SIPA1L2: variants seen among roughly 807,000 people sequenced by gnomAD.
SIPA1L2 encodes the protein signal induced proliferation associated 1 like 2.
SIPA1L2 carries 56 observed loss-of-function variants against 163.9 expected under a neutral mutation model. The observed-to-expected ratio is 0.34, with a 90% confidence interval of 0.28 to 0.43. SIPA1L2 has a LOEUF of 0.43. SIPA1L2 is among the 20% of genes least tolerant of loss of function. SIPA1L2 has a pLI of 1.00. For synonymous variants in SIPA1L2, 877 were observed against 865.7 expected (o/e 1.01, Z -0.23); for missense variants, 1,974 against 2,193.5 (o/e 0.90, Z 2.00).
At position 232,514,707 on chromosome 1, in the gene SIPA1L2, C is replaced by T; in HGVS notation, c.633G>A (p.Met211Ile). 6.2e-7 allele frequency: 1 copy of T among 1,614,156 alleles called. No homozygotes were observed. Among genetic ancestry groups the T allele is most frequent in the Non-Finnish European group, 8.5e-7 (1 of 1,180,020 alleles). Residue 211 changes from methionine (M) to isoleucine (I), a missense_variant, in exon 3 of 23, where the codon ATG becomes ATA. This residue lies in a region of SIPA1L2 where 607 missense variants were observed against 624.0 expected (regional missense o/e 0.97). Transcript: ENST00000674635. The stretch of plus-strand genomic sequence containing the variant: ...AATTTTCTACTCGGTACCCTCTGAG[C>T]ATAGCAAAAAAGTTTTCACCAGATA... Reference protein sequence around the residue: ...QGLSGENFFAMLRGYRVENYD... With the variant: ...QGLSGENFFAILRGYRVENYD...
intron 5 of SIPA1L2, among the ~76,000 whole-genome samples, chr1:232,485,335 T>C (rs1369402120): frequency 6.6e-6 from 1 of 152,174 alleles, no homozygotes; most frequent in African/African-American, 2.4e-5. Context: ...GATCTGTACC[T>C]TGAGTGTGGG....
chr1:232,474,414 T>C (rs1488195189), intron 7 of SIPA1L2, among the ~76,000 whole-genome samples: 3 of 152,176 alleles, frequency 2.0e-5, no homozygotes, highest in Admixed American at 6.5e-5. Flanking sequence ...CAAAAGCATA[T>C]AGATGCTACA....
In SIPA1L2 at chr1:232,399,089, G is replaced by A. The variant is rs200847056; in HGVS notation, c.*38C>T. ...TGTTTGTGACTTCAAAGGGACAAGG[G>A]GCATTTCCCAGTGGTCCCTTGATGA... On this transcript the variant is annotated 3_prime_UTR_variant, in exon 23 of 23. Coordinates refer to ENST00000674635, the MANE Select transcript of SIPA1L2 (RefSeq NM_020808.5). 167 of 1,613,266 alleles carry A rather than the reference G, an allele frequency of 1.0e-4. No individual in the cohort carries two copies. The highest frequency in any genetic ancestry group is 1.4e-4 in the Non-Finnish European group (164 of 1,179,530).
intron 2 of SIPA1L2, among the ~76,000 whole-genome samples, chr1:232,566,176 T>C (rs1441817714): frequency 1.3e-5 from 2 of 152,220 alleles, no homozygotes; most frequent in African/African-American, 4.8e-5. Flanking sequence ...TCTGTTTGTT[T>C]TGTTTTCTTT....
rs1295723723 is a variant in SIPA1L2 at position 232,425,600 on chromosome 1, C to T, written c.4619G>A (p.Gly1540Glu). 5 of 1,588,816 alleles carry T rather than the reference C, an allele frequency of 3.1e-6. No individual in the cohort carries two copies. Among genetic ancestry groups the T allele is most frequent in the Admixed American group, 1.7e-5 (1 of 57,808 alleles). Reference protein sequence around the residue: ...PPRAHPAPSMGSLRNEFWFSD... With the variant: ...PPRAHPAPSMESLRNEFWFSD... ...AGCCCCTCACTTACTTCTCAGGCTC[C>T]CCATGCTGGGTGCGGGGTGGGCCCG... The change falls in exon 18 of 23, where the codon GGG (glycine) becomes GAG (glutamate). Residue 1540 changes from glycine (G) to glutamate (E), a missense_variant. By Grantham distance (98) the Gly-to-Glu change is moderately conservative. Transcript: ENST00000674635.
At position 232,484,067 on chromosome 1, in the gene SIPA1L2, C is replaced by T. The variant is rs140798485; in HGVS notation, c.1807-101G>A. 3,956 of 1,091,482 alleles carry T rather than the reference C, an allele frequency of 3.6e-3. 16 individuals carry two copies. Among genetic ancestry groups the T allele is most frequent in the Middle Eastern group, 6.3e-3 (30 of 4,776 alleles). The allele number at this position is 1,091,482 out of a possible 1,614,324, so 67.6% of individuals were successfully genotyped here. ...GAAGCTGAGAATTGTTCTAGGAAAG[C>T]ATGCCAGAACAATTCCCATAAGTGA... On this transcript the variant is annotated intron_variant, in intron 5 of 22. Transcript: ENST00000674635.
In SIPA1L2 at chr1:232,403,586, AAC is replaced by A. The variant is rs749289408; in HGVS notation, c.4817-17_4817-16del. The A allele has an allele frequency of 5.6e-6, 9 of 1,606,500 alleles. No homozygotes were observed. The highest frequency in any genetic ancestry group is 7.6e-6 in the Non-Finnish European group (9 of 1,176,640). ...CACCCTCTGGTCTGGGGAGGGGAGA[AAC>A]ACACACAGAAAGAAGGGTTAGTAAT... On this transcript the variant is annotated splice_polypyrimidine_tract_variant and intron_variant, in intron 20 of 22. Transcript: ENST00000674635.
At chr1:232,560,777 G>C (rs1658988109) in intron 2 of SIPA1L2, among the ~76,000 whole-genome samples, 1 of 152,140 alleles carries the variant, frequency 6.6e-6, no homozygotes, top group African/African-American at 2.4e-5. Context: ...CAGTGGAACA[G>C]AATCATGAGA....
intron 1 of SIPA1L2, among the ~76,000 whole-genome samples, chr1:232,606,351 A>T (rs1211679643): frequency 6.6e-6 from 1 of 152,160 alleles, no homozygotes; most frequent in Non-Finnish European, 1.5e-5. Flanking sequence ...TTTAACATAA[A>T]TGTCAAAAAG....
At chr1:232,537,034 G>A (rs897479331) in intron 2 of SIPA1L2, among the ~76,000 whole-genome samples, 3 of 152,116 alleles carry the variant, frequency 2.0e-5, no homozygotes, top group Admixed American at 1.3e-4. Flanking sequence ...TCAGGAATTC[G>A]AGACCAGCCT....
At chr1:232,489,246 A>G (rs923596230) in intron 5 of SIPA1L2, among the ~76,000 whole-genome samples, 4 of 152,226 alleles carry the variant, frequency 2.6e-5, no homozygotes, top group African/African-American at 7.2e-5. Flanking sequence ...ACTCTCTTAC[A>G]ACATGCAAAT....
At chr1:232,490,570 C>T in intron 5 of SIPA1L2, 1 of 254,998 alleles carries the variant, frequency 3.9e-6, no homozygotes, top group South Asian at 6.4e-5. Context: ...GATTTTTAAA[C>T]CCTGGAAAAA....
intron 2 of SIPA1L2, among the ~76,000 whole-genome samples, chr1:232,538,087 A>G (rs913689144): frequency 3.3e-5 from 5 of 152,238 alleles, no homozygotes; most frequent in African/African-American, 9.6e-5. Context: ...CCTCATTAAC[A>G]TTGGTTACAC....
At chr1:232,599,934 A>G (rs1661506295) in intron 1 of SIPA1L2, among the ~76,000 whole-genome samples, 1 of 152,252 alleles carries the variant, frequency 6.6e-6, no homozygotes. Context: ...TGTTACCCAG[A>G]CCTAACTGAT....
chr1:232,557,065 T>G (rs549333599), intron 2 of SIPA1L2, among the ~76,000 whole-genome samples: 4 of 152,300 alleles, frequency 2.6e-5, no homozygotes, highest in African/African-American at 9.6e-5. Flanking sequence ...CAAAAACTCA[T>G]GAAGGCAGCT....
chr1:232,447,641 T>G (rs1663296847), intron 10 of SIPA1L2, among the ~76,000 whole-genome samples: 1 of 152,224 alleles, frequency 6.6e-6, no homozygotes, highest in Non-Finnish European at 1.5e-5. Context: ...GCCTTGTCTA[T>G]TTACAACCAG....
chr1:232,404,044 C>T lies in SIPA1L2; in HGVS notation c.4816+81G>A, dbSNP rs184084304. On this transcript the variant is annotated intron_variant, in intron 20 of 22. Transcript: ENST00000674635. ...CCCCCAACCCTCAGGGCGTGAATAA[C>T]CATGCAGACGTGCAGACACATGAAA... The T allele has an allele frequency of 1.3e-4, 194 of 1,509,264 alleles. No homozygotes were observed. In the African/African-American group the frequency reaches 2.4e-3, roughly 19 times the overall value. The allele number at this position is 1,509,264 out of a possible 1,614,324, so 93.5% of individuals were successfully genotyped here. A position where few individuals can be genotyped will look rare whatever the true frequency, so the allele number is the denominator to read the frequency against.
chr1:232,463,760 A>T (rs568367783), intron 9 of SIPA1L2, among the ~76,000 whole-genome samples: 1 of 152,358 alleles, frequency 6.6e-6, no homozygotes, highest in South Asian at 2.1e-4. Flanking sequence ...TTCTCTAGGT[A>T]TATAAACTAA....
intron 1 of SIPA1L2, among the ~76,000 whole-genome samples, chr1:232,622,133 T>C (rs1537582): frequency 0.68 from 103,269 of 152,186 alleles, 35,655 homozygotes; most frequent in East Asian, 0.89. Context: ...CTATCATGTA[T>C]GCCTTGCTTA....
Sources: allele counts gnomAD v4.1 joint callset (sites outside exome capture counted in the v4.1 genomes callset), GRCh38; gene constraint gnomAD v4.1.1; regional missense constraint gnomAD v4.1.1; transcripts MANE v1.5; gene names NCBI Gene and HGNC (gene_info 2026-07-23, HGNC 2026-07-21).